CERKL: variants seen among roughly 807,000 people sequenced by gnomAD.
CERKL encodes ceramide kinase-like protein.
CERKL carries 61 observed loss-of-function variants against 63.4 expected under a neutral mutation model. The ratio of observed to expected loss-of-function variants is 0.96; its 90% confidence interval spans 0.78 to 1.19. The LOEUF is 1.19. Ranked by LOEUF, CERKL falls within the 50% of genes most tolerant of loss-of-function variation. The pLI, the probability that CERKL is intolerant of heterozygous loss-of-function variation, is 0.00. For missense variants in CERKL, 675 were observed against 655.5 expected (o/e 1.03, Z -0.33); for synonymous variants, 250 against 230.5 (o/e 1.08, Z -0.77).
At chr2:181,652,776 T>A (rs1284291770) in intron 1 of CERKL, among the ~76,000 whole-genome samples, 1 of 77,702 alleles carries the variant, frequency 1.3e-5, no homozygotes, top group Non-Finnish European at 3.2e-5. Context: ...AAAATAATAA[T>A]GACTTTTTTT....
chr2:181,584,045 T>A (rs934215092), intron 2 of CERKL, among the ~76,000 whole-genome samples: 4 of 152,160 alleles, frequency 2.6e-5, no homozygotes, highest in Non-Finnish European at 4.4e-5. Flanking sequence ...ACAATTTACT[T>A]TAGAACACAT....
At chr2:181,594,363 G>T (rs192043300) in intron 2 of CERKL, among the ~76,000 whole-genome samples, 3 of 152,160 alleles carry the variant, frequency 2.0e-5, no homozygotes, top group African/African-American at 7.2e-5. Context: ...TAAGTGCCTG[G>T]TTTGCTCAGG....
intron 2 of CERKL, among the ~76,000 whole-genome samples, chr2:181,598,148 G>A (rs537372135): frequency 6.6e-6 from 1 of 152,224 alleles, no homozygotes; most frequent in South Asian, 2.1e-4. Context: ...TGCTGAAAGT[G>A]AGAATGCCAC....
intron 2 of CERKL, among the ~76,000 whole-genome samples, chr2:181,591,392 GA>G (rs1001932213): frequency 7.7e-4 from 117 of 151,408 alleles, no homozygotes; most frequent in Non-Finnish European, 1.0e-3. Flanking sequence ...AAGATAGAGA[GA>G]AAAAAACTGA....
chr2:181,568,665 ATTTTCT>A (rs927078318), intron 3 of CERKL, among the ~76,000 whole-genome samples: 26 of 111,280 alleles, frequency 2.3e-4, no homozygotes, highest in African/African-American at 7.3e-4. Flanking sequence ...TCATTGGAGT[ATTTTCT>A]TTTTTTTTTT....
intron 3 of CERKL, among the ~76,000 whole-genome samples, chr2:181,566,487 G>T (rs927376976): frequency 2.0e-5 from 3 of 152,150 alleles, no homozygotes; most frequent in Non-Finnish European, 4.4e-5. Context: ...ATATTAGCTG[G>T]CATTGAACAG....
intron 2 of CERKL, among the ~76,000 whole-genome samples, chr2:181,594,774 T>C (rs1685131536): frequency 6.6e-6 from 1 of 152,190 alleles, no homozygotes; most frequent in African/African-American, 2.4e-5. Context: ...AATGGTTGAT[T>C]TGAAAACTAT....
chr2:181,656,845 G>A lies in CERKL; in HGVS notation c.162C>T (p.Ile54=), dbSNP rs568992169. ...ERILLRGIFE[I]GRDSCDVVLS... ...GCACCACGTCACAACTGTCCCTCCC[G>A]ATCTCGAAGATGCCCCGGAGCAGAA... is the stretch of plus-strand genomic sequence containing the variant. The change falls in exon 1 of 13, where the codon ATC becomes ATT. Residue 54 remains isoleucine, a synonymous_variant. Transcript: ENST00000410087. 1.3e-5 allele frequency: 21 copies of A among 1,604,666 alleles called. No homozygotes were observed. Among genetic ancestry groups the A allele is most frequent in the Non-Finnish European group, 1.7e-5 (20 of 1,173,934 alleles).
intron 2 of CERKL, among the ~76,000 whole-genome samples, chr2:181,584,518 GA>G (rs138102899): frequency 2.5e-4 from 37 of 148,366 alleles, no homozygotes; most frequent in African/African-American, 7.7e-4. Flanking sequence ...TCTCAGAAAA[GA>G]AAAAAAAAAT....
chr2:181,588,897 T>C (rs992845187), intron 2 of CERKL, among the ~76,000 whole-genome samples: 2 of 152,334 alleles, frequency 1.3e-5, no homozygotes, highest in East Asian at 3.9e-4. Flanking sequence ...GAAATGTCTA[T>C]TCAGATCCTT....
chr2:181,545,202 T>G (rs1047506230), intron 10 of CERKL, among the ~76,000 whole-genome samples: 2 of 152,238 alleles, frequency 1.3e-5, no homozygotes, highest in Admixed American at 1.3e-4. Context: ...CAACATTTTC[T>G]AAAATCTAAA....
intron 1 of CERKL, among the ~76,000 whole-genome samples, chr2:181,623,119 C>T (rs1158860319): frequency 1.3e-5 from 2 of 152,082 alleles, no homozygotes; most frequent in Non-Finnish European, 2.9e-5. Flanking sequence ...CGATTCGTTC[C>T]ATAAGTCATA....
At chr2:181,555,580 G>A (rs545176215) in intron 5 of CERKL, among the ~76,000 whole-genome samples, 9 of 151,850 alleles carry the variant, frequency 5.9e-5, no homozygotes, top group African/African-American at 1.9e-4. Context: ...ACAATACTAA[G>A]TATTCTAAAA....
chr2:181,619,409 C>T (rs866389426), intron 1 of CERKL, among the ~76,000 whole-genome samples: 4 of 151,988 alleles, frequency 2.6e-5, no homozygotes, highest in Middle Eastern at 3.4e-3. Context: ...ATGATCTTTG[C>T]ACCAATTCCT....
intron 2 of CERKL, among the ~76,000 whole-genome samples, chr2:181,575,936 T>C (rs2105850005): frequency 6.6e-6 from 1 of 152,310 alleles, no homozygotes; most frequent in East Asian, 1.9e-4. Context: ...TTCACCTCTC[T>C]GAAGTTTGTC....
intron 1 of CERKL, among the ~76,000 whole-genome samples, chr2:181,609,900 T>C (rs1482190004): frequency 6.6e-6 from 1 of 152,140 alleles, no homozygotes. Flanking sequence ...GATTTAGAAC[T>C]GACTAATCTT....
At chr2:181,599,152 G>A (rs1012170154) in intron 2 of CERKL, among the ~76,000 whole-genome samples, 3 of 152,140 alleles carry the variant, frequency 2.0e-5, no homozygotes, top group African/African-American at 7.2e-5. Context: ...GAAACACAAT[G>A]CAGGATATGA....
At chr2:181,541,175 C>T (rs199938964) in intron 11 of CERKL, among the ~76,000 whole-genome samples, 5 of 152,104 alleles carry the variant, frequency 3.3e-5, no homozygotes, top group East Asian at 3.9e-4. Context: ...TCATCCAATA[C>T]GACTGGTGTC....
intron 10 of CERKL, among the ~76,000 whole-genome samples, chr2:181,545,782 G>A (rs1216320885): frequency 6.6e-6 from 1 of 152,106 alleles, no homozygotes; most frequent in Non-Finnish European, 1.5e-5. Flanking sequence ...GTGTTACTGT[G>A]CATCTTTAAT....
Sources: gnomAD v4.1 joint callset for allele counts (sites outside exome capture counted in the v4.1 genomes callset) on GRCh38, gnomAD v4.1.1 for gene constraint, MANE v1.5 for transcripts, NCBI Gene and HGNC (gene_info 2026-07-23, HGNC 2026-07-21) for gene names.